Variants in FHIT observed in about 807,000 individuals in gnomAD.
FHIT encodes the protein bis(5'-adenosyl)-triphosphatase.
FHIT carries 19 observed loss-of-function variants against 17.9 expected under a neutral mutation model. The observed-to-expected ratio is 1.06, with a 90% CI of 0.74 to 1.56. The LOEUF (loss-of-function observed/expected upper bound fraction) is 1.56, where lower values mean the gene tolerates loss of function less well. Ranked by LOEUF, FHIT falls within the 40% of genes most tolerant of loss-of-function variation. The pLI is 0.00. For missense variants in FHIT, 248 were observed against 189.2 expected (o/e 1.31, Z -1.82); for synonymous variants, 81 against 69.7 (o/e 1.16, Z -0.81).
At chr3:60,571,558 T>A (rs1235811428) in intron 4 of FHIT, among the ~76,000 whole-genome samples, 1 of 151,922 alleles carries the variant, frequency 6.6e-6, no homozygotes, top group African/African-American at 2.4e-5. Flanking sequence ...AAAAAGTGTG[T>A]CCCCAGACAG....
intron 4 of FHIT, among the ~76,000 whole-genome samples, chr3:60,752,349 G>A (rs1251764826): frequency 5.3e-5 from 8 of 152,106 alleles, no homozygotes; most frequent in Non-Finnish European, 1.2e-4. Flanking sequence ...CAGATAACAC[G>A]TGAAATTCCA....
chr3:60,332,532 G>A lies in FHIT; in HGVS notation c.103+204328C>T, dbSNP rs547202518. 2.0e-5 allele frequency among the ~76,000 whole-genome samples: 3 copies of A among 152,254 alleles called. No individual in the cohort carries two copies. The South Asian group carries it at 6.2e-4, about 32-fold the overall frequency. ...AGCTGGATCATTCTTTTCCCCAGAGGGCTGTGGGATCTAGGAATGGGTGTT... is the reference window on the plus strand; with the variant it reads ...AGCTGGATCATTCTTTTCCCCAGAGAGCTGTGGGATCTAGGAATGGGTGTT... On this transcript the variant is annotated intron_variant, in intron 5 of 9. Coordinates refer to ENST00000492590, the MANE Select transcript of FHIT (RefSeq NM_002012.4).
intron 7 of FHIT, among the ~76,000 whole-genome samples, chr3:59,940,942 C>T (rs1187198141): frequency 6.6e-6 from 1 of 152,132 alleles, no homozygotes; most frequent in Non-Finnish European, 1.5e-5. Flanking sequence ...AGTTCCGGTC[C>T]TATCTCAAAT....
intron 5 of FHIT, among the ~76,000 whole-genome samples, chr3:60,496,515 CA>C (rs2034306053): frequency 6.6e-6 from 1 of 152,108 alleles, no homozygotes; most frequent in Non-Finnish European, 1.5e-5. Context: ...TCATGGGAAA[CA>C]GATGTTTTCA....
intron 3 of FHIT, among the ~76,000 whole-genome samples, chr3:60,825,439 T>A (rs1702078290): frequency 6.6e-6 from 1 of 152,178 alleles, no homozygotes; most frequent in Admixed American, 6.5e-5. Context: ...AATGTTAACA[T>A]ACAAACACAA....
chr3:61,004,355 T>C (rs371511075), intron 3 of FHIT, among the ~76,000 whole-genome samples: 33 of 152,268 alleles, frequency 2.2e-4, no homozygotes, highest in African/African-American at 7.9e-4. Context: ...GCCCGGTTTC[T>C]CCTCTTCTGT....
chr3:60,107,601 A>G (rs959206969), intron 5 of FHIT, among the ~76,000 whole-genome samples: 2 of 152,190 alleles, frequency 1.3e-5, no homozygotes, highest in Non-Finnish European at 2.9e-5. Flanking sequence ...CCCATTAGAA[A>G]GTCACTAAAT....
intron 4 of FHIT, among the ~76,000 whole-genome samples, chr3:60,568,312 A>T (rs923494578): frequency 6.6e-6 from 1 of 152,200 alleles, no homozygotes; most frequent in Non-Finnish European, 1.5e-5. Context: ...TTATAGGGAC[A>T]TGGATGAAGC....
chr3:60,239,655 GC>G (rs879264992), intron 5 of FHIT, among the ~76,000 whole-genome samples: 1 of 152,126 alleles, frequency 6.6e-6, no homozygotes, highest in African/African-American at 2.4e-5. Context: ...TTTCTAACAA[GC>G]AAAAGTTTCC....
At chr3:60,092,704 G>C (rs1325389483) in intron 5 of FHIT, among the ~76,000 whole-genome samples, 2 of 152,104 alleles carry the variant, frequency 1.3e-5, no homozygotes, top group African/African-American at 4.8e-5. Context: ...TCCAGCAAGA[G>C]GGGCCAAGAT....
At chr3:61,152,742 A>C (rs2037429561) in intron 2 of FHIT, among the ~76,000 whole-genome samples, 1 of 151,352 alleles carries the variant, frequency 6.6e-6, no homozygotes, top group Non-Finnish European at 1.5e-5. Context: ...AGAAGATCAT[A>C]GCTGTGTTTT....
At chr3:60,377,685 G>A (rs920989035) in intron 5 of FHIT, among the ~76,000 whole-genome samples, 1 of 138,862 alleles carries the variant, frequency 7.2e-6, no homozygotes, top group African/African-American at 2.7e-5. Context: ...GTTTCACCTT[G>A]TTAGCCAGGA....
chr3:60,200,795 G>C (rs1702865610), intron 5 of FHIT, among the ~76,000 whole-genome samples: 3 of 152,144 alleles, frequency 2.0e-5, no homozygotes, highest in Admixed American at 6.5e-5. Context: ...AAATGGGCCA[G>C]CCTTTGAAAC....
chr3:60,404,307 C>A (rs983280298), intron 5 of FHIT, among the ~76,000 whole-genome samples: 1 of 144,922 alleles, frequency 6.9e-6, no homozygotes, highest in Non-Finnish European at 1.5e-5. Flanking sequence ...ACAAAAATTT[C>A]GAGGCTATTT....
intron 5 of FHIT, among the ~76,000 whole-genome samples, chr3:60,412,815 T>C (rs1407033320): frequency 1.3e-5 from 2 of 152,162 alleles, no homozygotes; most frequent in Non-Finnish European, 2.9e-5. Context: ...AATTGGATTA[T>C]GGGGGTGGGT....
At chr3:60,094,991 A>G (rs1277158725) in intron 5 of FHIT, among the ~76,000 whole-genome samples, 1 of 152,204 alleles carries the variant, frequency 6.6e-6, no homozygotes, top group Non-Finnish European at 1.5e-5. Flanking sequence ...GAAGCAGGGA[A>G]TTATTTTTTA....
At chr3:60,390,950 C>A (rs568369708) in intron 5 of FHIT, among the ~76,000 whole-genome samples, 1 of 152,000 alleles carries the variant, frequency 6.6e-6, no homozygotes, top group Admixed American at 6.6e-5. Flanking sequence ...GAGGCTGAAT[C>A]GGGAGGATCA....
intron 3 of FHIT, among the ~76,000 whole-genome samples, chr3:60,914,844 A>T (rs1553766766): frequency 6.6e-6 from 1 of 152,246 alleles, no homozygotes; most frequent in African/African-American, 2.4e-5. Flanking sequence ...GCATTGCCAA[A>T]TGGCAACTTG....
At chr3:61,047,804 C>T (rs533550321) in intron 2 of FHIT, among the ~76,000 whole-genome samples, 188 of 150,248 alleles carry the variant, frequency 1.3e-3, no homozygotes, top group African/African-American at 4.5e-3. Flanking sequence ...CAGAACAGAG[C>T]CCTCAGAAAT....
Sources: allele counts gnomAD v4.1 joint callset (sites outside exome capture counted in the v4.1 genomes callset), GRCh38; gene constraint gnomAD v4.1.1; transcripts MANE v1.5; gene names NCBI Gene and HGNC (gene_info 2026-07-23, HGNC 2026-07-21).